Variants in DPEP2 observed in about 807,000 individuals in gnomAD.
The protein encoded by DPEP2 is dipeptidase 2.
A neutral mutation model predicts 51.8 loss-of-function variants in DPEP2; 45 were observed. The observed-to-expected ratio is 0.87, with a 90% CI of 0.68 to 1.11. The LOEUF (loss-of-function observed/expected upper bound fraction) is 1.11. DPEP2 is among the 50% of genes most tolerant of loss of function. DPEP2 has a pLI of 0.00. For synonymous variants in DPEP2, 255 were observed against 262.7 expected, an observed-to-expected ratio of 0.97 and a Z score of 0.28; for missense variants, 604 against 631.9, an observed-to-expected ratio of 0.96 and a Z score of 0.47.
At chr16:67,993,360 G>C in intron 1 of DPEP2, 103 bp from the exon 2 acceptor site, 1 of 1,305,710 alleles carries the variant, frequency 7.7e-7, no homozygotes, top group Non-Finnish European at 9.7e-7. Flanking sequence ...GAAGTCACAG[G>C]GCCCCGCGAA....
chr16:67,998,126 C>G (rs929427427), intron 1 of DPEP2, among the ~76,000 whole-genome samples: 1 of 152,210 alleles, frequency 6.6e-6, no homozygotes, highest in Non-Finnish European at 1.5e-5. Context: ...ACTTGAAGAG[C>G]TCTTCAGCCC....
rs2032147462 is a variant in DPEP2 at position 67,991,446 on chromosome 16, C to T, written c.663-262G>A. Reference sequence around the variant, plus strand: ...GTGCAGTGGTGCTGTCGTGCCATCTCAGCTCACTGAAACCTGCACCTCCTG... The same window carrying T: ...GTGCAGTGGTGCTGTCGTGCCATCTTAGCTCACTGAAACCTGCACCTCCTG... On this transcript the variant is annotated intron_variant, in intron 5 of 10. Coordinates refer to ENST00000393847, the MANE Select transcript of DPEP2 (RefSeq NM_022355.4). The surrounding 1 kb of genome is among the most constrained non-coding windows in gnomAD (Gnocchi z 5.1). Among the ~76,000 whole-genome samples, 6 of 150,796 alleles carry T rather than the reference C, an allele frequency of 4.0e-5. No homozygotes were observed. The highest frequency in any genetic ancestry group is 3.3e-4 in the Admixed American group (5 of 15,098).
At chr16:67,995,972 AAACAACAACAAC>A (rs376768981) in intron 1 of DPEP2, among the ~76,000 whole-genome samples, 4 of 151,030 alleles carry the variant, frequency 2.6e-5, no homozygotes, top group South Asian at 4.2e-4. Flanking sequence ...TCCCCCCGCC[AAACAACAACAAC>A]AACAACAACA....
intron 1 of DPEP2, among the ~76,000 whole-genome samples, chr16:67,996,204 T>A (rs1489781637): frequency 1.2e-5 from 1 of 86,250 alleles, no homozygotes; most frequent in Admixed American, 1.1e-4. Context: ...ACTCGGCTAT[T>A]TTTTTTTTTT....
rs759509901 is a variant in DPEP2 at position 67,990,045 on chromosome 16, A to T, written c.994+2T>A. The T allele has an allele frequency of 5.0e-6, 8 of 1,614,038 alleles. No homozygotes were observed. The highest frequency in any genetic ancestry group is 6.8e-6 in the Non-Finnish European group (8 of 1,179,940). On this transcript the variant is annotated splice_donor_variant, in intron 8 of 10. Transcript: ENST00000393847. LOFTEE classifies it high-confidence loss of function. Reference sequence around the variant, plus strand: ...TTCAGAGAGCCCGGGAGAGGGAGTTACCTGCCACAGTGGACACATTGGCTG... The same window carrying T: ...TTCAGAGAGCCCGGGAGAGGGAGTTTCCTGCCACAGTGGACACATTGGCTG...
intron 2 of DPEP2, 111 bp downstream of exon 2, chr16:67,992,839 G>A (rs2032344736): frequency 8.1e-6 from 12 of 1,483,868 alleles, no homozygotes; most frequent in Non-Finnish European, 9.0e-6. Flanking sequence ...GGGAGAGAGG[G>A]CATCCAGGGG....
At position 67,991,899 on chromosome 16, in the gene DPEP2, G is replaced by A. The variant is rs1047696472; in HGVS notation, c.601C>T (p.Arg201Cys). 2.1e-5 allele frequency: 34 copies of A among 1,614,098 alleles called. No homozygotes were observed. Among genetic ancestry groups the A allele is most frequent in the East Asian group, 4.5e-5 (2 of 44,894 alleles). The change falls in exon 5 of 11, where the codon CGT becomes TGT. Residue 201 changes from arginine (R) to cysteine (C), a missense_variant. Transcript: ENST00000393847. This position sits in a 1 kb window ranked among gnomAD's most constrained non-coding sequence, Gnocchi z 5.1. ...CGCACTCCCAGCATGTAGAAGGTAC[G>A]TAAGATGGAGAGGCTATTGTCCAGC... Reference protein sequence around the residue: ...HSLDNSLSILRTFYMLGVRYL... With the variant: ...HSLDNSLSILCTFYMLGVRYL...
intron 8 of DPEP2, 83 bp from the exon 9 acceptor site, chr16:67,989,481 C>G: frequency 7.0e-7 from 1 of 1,426,720 alleles, no homozygotes. Flanking sequence ...ACTGAGTCTC[C>G]TTCTTGCAGC....
rs2032897743 is a variant in DPEP2, at chr16:67,999,368, G to A, written c.-46+7C>T. ...ACATCAAAAGAAACAAACTCCAGAC[G>A]CGCTACCTTAAGAGCTGTAACACTC... On this transcript the variant is annotated splice_region_variant and intron_variant, in intron 1 of 10. Coordinates refer to ENST00000393847, the MANE Select transcript of DPEP2 (RefSeq NM_022355.4). The A allele has an allele frequency of 1.1e-5, 5 of 470,554 alleles. No homozygotes were observed. The highest frequency in any genetic ancestry group is 2.1e-5 in the African/African-American group (1 of 47,250). The allele number at this position is 470,554 out of a possible 1,614,324, so 29.1% of individuals were successfully genotyped here.
Position 67,987,771 on chromosome 16 carries a change from C to CA in DPEP2, c.1207-12dup. On this transcript the variant is annotated splice_polypyrimidine_tract_variant and intron_variant, in intron 10 of 10. Transcript: ENST00000393847. Reference sequence around the variant, plus strand: ...GTTTTCTTCCTGTACCTAGAGGTGGCAGTCGGTGCTCAGCTTCCACAGCTC... The same window carrying CA: ...GTTTTCTTCCTGTACCTAGAGGTGGCAAGTCGGTGCTCAGCTTCCACAGCTC... 6.2e-7 allele frequency: 1 copy of CA among 1,612,644 alleles called. No individual in the cohort carries two copies. Among genetic ancestry groups the CA allele is most frequent in the Admixed American group, 1.7e-5 (1 of 60,000 alleles).
rs150079633 is a variant in DPEP2 at position 67,991,865 on chromosome 16, G to A, written c.635C>T (p.Thr212Met). 17 of 1,614,036 alleles carry A rather than the reference G, an allele frequency of 1.1e-5. No homozygotes were observed. Among genetic ancestry groups the A allele is most frequent in the South Asian group, 7.7e-5 (7 of 91,086 alleles). The change falls in exon 5 of 11, where the codon ACG (threonine) becomes ATG (methionine). Residue 212 changes from threonine to methionine, a missense_variant. Transcript: ENST00000393847. This position sits in a 1 kb window ranked among gnomAD's most constrained non-coding sequence, Gnocchi z 5.1. The stretch of plus-strand genomic sequence containing the variant: ...GGGTGTGTTGCAGGTGTGGGTGAGC[G>A]TCAGGTAGCGCACTCCCAGCATGTA... ...TFYMLGVRYLTLTHTCNTPWA... is the reference protein window; with the variant it reads ...TFYMLGVRYLMLTHTCNTPWA...
chr16:67,987,745 T>G lies in DPEP2; in HGVS notation c.1222A>C (p.Lys408Gln). The change falls in exon 11 of 11, where the codon AAA becomes CAA. Residue 408 changes from lysine (K) to glutamine (Q), a missense_variant. By Grantham distance (53) the Lys-to-Gln change is moderately conservative. Transcript: ENST00000393847. ...TTGTCCTCCAAGGGGCTTTGCCATT[T>G]GTTTTCTTCCTGTACCTAGAGGTGG... ...RQVEKVQEEN[K>Q]WQSPLEDKFP... is the part of the protein sequence containing the mutation. 1.2e-6 allele frequency: 2 copies of G among 1,613,662 alleles called. No individual in the cohort carries two copies. The highest frequency in any genetic ancestry group is 1.7e-6 in the Non-Finnish European group (2 of 1,179,542).
intron 7 of DPEP2, 137 bp from the exon 8 acceptor site, chr16:67,990,268 G>A (rs992793933): frequency 4.0e-6 from 3 of 757,072 alleles, no homozygotes; most frequent in Non-Finnish European, 6.5e-6. Context: ...CTCTGGTTTT[G>A]TATGAAGGGA....
At chr16:67,999,605 A>C (rs1029478031), upstream of DPEP2, 7 of 584,304 alleles carry the variant, frequency 1.2e-5, no homozygotes, top group African/African-American at 1.4e-4. Flanking sequence ...ATGTGAGCCC[A>C]CGATGCCTGG....
rs2032184329 is a variant in DPEP2, at chr16:67,991,765, C to T, written c.662+73G>A. The T allele has an allele frequency of 6.4e-7, 1 of 1,573,800 alleles. No individual in the cohort carries two copies. Among genetic ancestry groups the T allele is most frequent in the African/African-American group, 1.3e-5 (1 of 74,556 alleles). ...CCACATCCCATGGGTAAAGCTTGTT[C>T]TGGGCCCACAGTGACCTCAGGCAGA... is the stretch of plus-strand genomic sequence containing the variant. On this transcript the variant is annotated intron_variant, in intron 5 of 10. Coordinates refer to ENST00000393847, the MANE Select transcript of DPEP2 (RefSeq NM_022355.4). The surrounding 1 kb of genome is among the most constrained non-coding windows in gnomAD (Gnocchi z 5.1).
chr16:67,991,370 C>CTTT lies in DPEP2; in HGVS notation c.663-189_663-187dup, dbSNP rs918452974. On this transcript the variant is annotated intron_variant, in intron 5 of 10. Transcript: ENST00000393847. This position sits in a 1 kb window ranked among gnomAD's most constrained non-coding sequence, Gnocchi z 5.1. ...TGGGTCCAGTCTTTTTTTTCCTTTT[C>CTTT]TTTTTTTTTTTTTTTTGGCAATAGA... Among the ~76,000 whole-genome samples, 1 of 137,464 alleles carries CTTT rather than the reference C, an allele frequency of 7.3e-6. No homozygotes were observed. Among genetic ancestry groups the CTTT allele is most frequent in the Admixed American group, 7.3e-5 (1 of 13,706 alleles). 90.2% of individuals were successfully genotyped at this position (137,464 alleles called of 152,430 possible).
Position 67,991,137 on chromosome 16 carries a change from C to T in DPEP2, c.710G>A (p.Ser237Asn), listed in dbSNP as rs2032096766. The change falls in exon 6 of 11, where the codon AGC becomes AAC. Residue 237 changes from serine (S) to asparagine (N), a missense_variant. Physicochemically the swap from Ser to Asn is conservative, Grantham distance 46. Coordinates refer to ENST00000393847, the MANE Select transcript of DPEP2 (RefSeq NM_022355.4). This position sits in a 1 kb window ranked among gnomAD's most constrained non-coding sequence, Gnocchi z 5.1. Reference protein sequence around the residue: ...KGVHSFYNNISGLTDFGEKVV... With the variant: ...KGVHSFYNNINGLTDFGEKVV... Reference sequence around the variant, plus strand: ...CACCTCACCAAAGTCAGTCAGCCCGCTGATGTTGTTGTAGAAGGAGTGGAC... The same window carrying T: ...CACCTCACCAAAGTCAGTCAGCCCGTTGATGTTGTTGTAGAAGGAGTGGAC... The T allele has an allele frequency of 1.2e-6, 2 of 1,614,028 alleles. No individual in the cohort carries two copies. Among genetic ancestry groups the T allele is most frequent in the South Asian group, 2.2e-5 (2 of 91,082 alleles).
At position 67,992,963 on chromosome 16, in the gene DPEP2, G is replaced by A; in HGVS notation, c.250C>T (p.Pro84Ser). 4 of 1,611,506 alleles carry A rather than the reference G, an allele frequency of 2.5e-6. No individual in the cohort carries two copies. Among genetic ancestry groups the A allele is most frequent in the Non-Finnish European group, 2.5e-6 (3 of 1,178,818 alleles). The change falls in exon 2 of 11, where the codon CCG (proline) becomes TCG (serine). Residue 84 changes from proline to serine, a missense_variant. By Grantham distance (74) the Pro-to-Ser change is moderately conservative. Coordinates refer to ENST00000393847, the MANE Select transcript of DPEP2 (RefSeq NM_022355.4). The part of the protein sequence containing the change: ...EQARALMRDF[P>S]LVDGHNDLPL... ...GCAATTACGCACCCGTCCACGAGCG[G>A]GAAGTCCCGCATCAGGGCCCGTGCC...
chr16:67,988,113 T>A, intron 9 of DPEP2, 126 bp from the exon 10 acceptor site: 1 of 1,206,292 alleles, frequency 8.3e-7, no homozygotes, highest in Non-Finnish European at 1.2e-6. Flanking sequence ...AGAGAGTAGG[T>A]AATTCTCCTC....
Sources: allele counts gnomAD v4.1 joint callset (sites outside exome capture counted in the v4.1 genomes callset), GRCh38; gene constraint gnomAD v4.1.1; non-coding constraint Gnocchi (gnomAD v3.1); transcripts MANE v1.5; gene names NCBI Gene and HGNC (gene_info 2026-07-23, HGNC 2026-07-21).